The following RBFOX3 variants were observed in gnomAD, a reference collection of about 807,000 sequenced individuals.
RBFOX3 encodes RNA binding fox-1 homolog 3.
Under a neutral mutation model 48.7 loss-of-function variants are expected in RBFOX3, and 17 were observed. That is an observed-to-expected ratio of 0.35 (90% CI 0.24 to 0.52). The LOEUF (loss-of-function observed/expected upper bound fraction) is 0.52, where lower values mean the gene tolerates loss of function less well. Ranked by LOEUF, RBFOX3 falls within the 20% of genes least tolerant of loss-of-function variation. The probability of loss-of-function intolerance (pLI) is 0.94; values close to 1 mark genes in which losing one functional copy is unlikely to be tolerated. For missense variants in RBFOX3, 382 were observed against 497.5 expected (o/e 0.77, Z 2.21); for synonymous variants, 212 against 209.5 (o/e 1.01, Z -0.10).
rs1216125834 is a variant in RBFOX3 at position 79,421,712 on chromosome 17, G to A, written c.-175+60742C>T. Among the ~76,000 whole-genome samples, 2 of 152,168 alleles carry A rather than the reference G, an allele frequency of 1.3e-5. No homozygotes were observed. Among genetic ancestry groups the A allele is most frequent in the South Asian group, 2.1e-4 (1 of 4,822 alleles). Reference sequence around the variant, plus strand: ...TGACCATAGGACCAAGCAAGATGACGCAGGCCCCTGGCAAGCCTGAGGCCG... The same window carrying A: ...TGACCATAGGACCAAGCAAGATGACACAGGCCCCTGGCAAGCCTGAGGCCG... On this transcript the variant is annotated intron_variant, in intron 2 of 14. Transcript: ENST00000693108. This position sits in a 1 kb window ranked among gnomAD's most constrained non-coding sequence, Gnocchi z 4.5.
intron 1 of RBFOX3, among the ~76,000 whole-genome samples, chr17:79,544,370 G>T (rs1555791222): frequency 6.6e-6 from 1 of 152,170 alleles, no homozygotes; most frequent in Non-Finnish European, 1.5e-5. Flanking sequence ...CACGGTGATT[G>T]CTGGTGTTGG....
chr17:79,657,639 G>A, the RBFOX3 span, among the ~76,000 whole-genome samples: 40 of 152,250 alleles, frequency 2.6e-4, no homozygotes, highest in African/African-American at 5.5e-4. Context: ...AGATCGTGCC[G>A]TTGCTCTCCA....
At chr17:79,460,373 G>C (rs1302886271) in intron 2 of RBFOX3, among the ~76,000 whole-genome samples, 4 of 151,722 alleles carry the variant, frequency 2.6e-5, no homozygotes, top group African/African-American at 9.7e-5. Flanking sequence ...TTCCTAAAAG[G>C]CTTCCAGTCT....
rs141148205 is a variant in RBFOX3 at position 79,342,766 on chromosome 17, C to T, written c.-174-34942G>A. 3.3e-3 allele frequency among the ~76,000 whole-genome samples: 504 copies of T among 152,158 alleles called. 1 individual carries two copies. The highest frequency in any genetic ancestry group is 0.011 in the African/African-American group (467 of 41,496). On this transcript the variant is annotated intron_variant, in intron 2 of 14. Transcript: ENST00000693108. ...CCCAATAAATTAAAAACAAAACAGG[C>T]GAAATGTGGCTTTAAGCAAAGCTCT... is the stretch of plus-strand genomic sequence containing the variant.
In RBFOX3 at chr17:79,423,747, C is replaced by T. The variant is rs2066869148; in HGVS notation, c.-175+58707G>A. 1 of 153,734 alleles carries T rather than the reference C, an allele frequency of 6.5e-6. No individual in the cohort carries two copies. Among genetic ancestry groups the T allele is most frequent in the African/African-American group, 2.4e-5 (1 of 41,414 alleles). The allele number at this position is 153,734 out of a possible 1,614,324, so 9.5% of individuals were successfully genotyped here. On this transcript the variant is annotated intron_variant, in intron 2 of 14. Transcript: ENST00000693108. The surrounding 1 kb of genome is among the most constrained non-coding windows in gnomAD (Gnocchi z 4.9). ...ACAAGGAACAAGCCCAGTGGAGTCG[C>T]TGCTGGGCAGGGCTGCCCATCAGCA...
chr17:79,190,303 C>T (rs59214953), intron 4 of RBFOX3, among the ~76,000 whole-genome samples: 16 of 150,942 alleles, frequency 1.1e-4, no homozygotes, highest in African/African-American at 3.4e-4. Context: ...CCTAGCTACT[C>T]GGGAGGCTGA....
chr17:79,253,489 C>T (rs191274271), intron 3 of RBFOX3, among the ~76,000 whole-genome samples: 8 of 152,212 alleles, frequency 5.3e-5, no homozygotes, highest in East Asian at 1.9e-4. Flanking sequence ...CTTTCTCTGG[C>T]GGGGTATCCA....
At chr17:79,294,582 G>A (rs982967350) in intron 3 of RBFOX3, among the ~76,000 whole-genome samples, 6 of 152,118 alleles carry the variant, frequency 3.9e-5, no homozygotes, top group Admixed American at 3.9e-4. Context: ...TTATAAGCGT[G>A]AGCCACCACG....
rs143204457 is a variant in RBFOX3, at chr17:79,137,498, G to A, written c.-33-21750C>T. On this transcript the variant is annotated intron_variant, in intron 4 of 14. Transcript: ENST00000693108. ...CCACACACACGCGCCTGCAGTGATC[G>A]TGCACGCAGCAGTGCACCTGCACAC... 5.7e-3 allele frequency among the ~76,000 whole-genome samples: 863 copies of A among 152,284 alleles called. 10 individuals are homozygous for A. Among genetic ancestry groups the A allele is most frequent in the South Asian group, 0.03 (146 of 4,824 alleles).
chr17:79,127,061 C>G (rs1226674351), intron 4 of RBFOX3, among the ~76,000 whole-genome samples: 1 of 152,244 alleles, frequency 6.6e-6, no homozygotes, highest in Non-Finnish European at 1.5e-5. Context: ...GGCTGCTCCT[C>G]AGCACGACTC....
In RBFOX3 at chr17:79,356,361, T is replaced by TTTTTTTTTTTTTTTTTTG. The variant is rs2085043313; in HGVS notation, c.-174-48538_-174-48537insCAAAAAAAAAAAAAAAAA. Among the ~76,000 whole-genome samples, 5 of 56,180 alleles carry TTTTTTTTTTTTTTTTTTG rather than the reference T, an allele frequency of 8.9e-5. 2 individuals are homozygous for TTTTTTTTTTTTTTTTTTG. Among genetic ancestry groups the TTTTTTTTTTTTTTTTTTG allele is most frequent in the African/African-American group, 3.5e-4 (5 of 14,252 alleles). 36.9% of individuals were successfully genotyped at this position (56,180 alleles called of 152,430 possible). A position where few individuals can be genotyped will look rare whatever the true frequency, so the allele number is the denominator to read the frequency against. ...TAAAACAGGGAAGTTTTTTTTTTTTTTTTTTTTTTTTTTTTTTTTTTTTTT... is the reference window on the plus strand; with the variant it reads ...TAAAACAGGGAAGTTTTTTTTTTTTTTTTTTTTTTTTTTTTTTGTTTTTTTTTTTTTTTTTTTTTTTTT... On this transcript the variant is annotated intron_variant, in intron 2 of 14. Transcript: ENST00000693108.
chr17:79,122,734 T>C (rs1200399296), intron 4 of RBFOX3, among the ~76,000 whole-genome samples: 1 of 152,158 alleles, frequency 6.6e-6, no homozygotes, highest in African/African-American at 2.4e-5. Context: ...AATCAGTATA[T>C]GGAGGAGATA....
intron 4 of RBFOX3, among the ~76,000 whole-genome samples, chr17:79,209,864 G>A (rs2058117762): frequency 6.6e-6 from 1 of 152,134 alleles, no homozygotes; most frequent in Admixed American, 6.5e-5. Context: ...GGGCGTGGTG[G>A]TGGCCGCCTG....
intron 1 of RBFOX3, among the ~76,000 whole-genome samples, chr17:79,557,319 C>T (rs949449290): frequency 0.082 from 12,432 of 151,182 alleles, 691 homozygotes; most frequent in African/African-American, 0.15. Flanking sequence ...GGCAGTGTGG[C>T]CCCAGGCCCT....
At chr17:79,188,346 TC>T (rs1187689332) in intron 4 of RBFOX3, among the ~76,000 whole-genome samples, 2 of 152,074 alleles carry the variant, frequency 1.3e-5, no homozygotes, top group African/African-American at 2.4e-5. Context: ...ACTGGCACTG[TC>T]CCCCTGGCCC....
chr17:79,355,676 G>A (rs1249136055), intron 2 of RBFOX3, among the ~76,000 whole-genome samples: 1 of 152,026 alleles, frequency 6.6e-6, no homozygotes, highest in Non-Finnish European at 1.5e-5. Context: ...CACCTCCCAG[G>A]TTCAAGCAAT....
intron 4 of RBFOX3, among the ~76,000 whole-genome samples, chr17:79,215,861 C>A (rs1567856575): frequency 6.6e-6 from 1 of 152,242 alleles, no homozygotes; most frequent in Non-Finnish European, 1.5e-5. Flanking sequence ...TGCTTTTGTC[C>A]CCAAGGCAGT....
intron 1 of RBFOX3, among the ~76,000 whole-genome samples, chr17:79,536,638 A>G (rs900353670): frequency 1.2e-4 from 18 of 148,994 alleles, no homozygotes; most frequent in African/African-American, 4.0e-4. Context: ...AGCCGGCCAC[A>G]GGGCATGCTT....
At chr17:79,224,959 A>G (rs1340533178) in intron 4 of RBFOX3, among the ~76,000 whole-genome samples, 1 of 152,264 alleles carries the variant, frequency 6.6e-6, no homozygotes, top group Admixed American at 6.5e-5. Flanking sequence ...GAATTTGATC[A>G]TCATGCCTAC....
Sources: gnomAD v4.1 joint callset for allele counts (sites outside exome capture counted in the v4.1 genomes callset) on GRCh38, gnomAD v4.1.1 for gene constraint, Gnocchi (gnomAD v3.1) non-coding constraint, MANE v1.5 for transcripts, NCBI Gene and HGNC (gene_info 2026-07-23, HGNC 2026-07-21) for gene names.